Variants in PRDM10 observed in about 807,000 individuals in gnomAD.
PRDM10 encodes PR domain zinc finger protein 10.
In PRDM10, 65 loss-of-function variants were observed where a neutral mutation model predicts 133.1. That is an observed-to-expected ratio of 0.49 (90% confidence interval 0.40 to 0.60). The LOEUF is 0.60. Ranked by LOEUF, PRDM10 falls within the 20% of genes least tolerant of loss-of-function variation. The probability of loss-of-function intolerance (pLI) is 0.00; values close to 1 mark genes in which losing one functional copy is unlikely to be tolerated. For synonymous variants in PRDM10, 582 were observed against 580.4 expected (o/e 1.00, Z -0.04); for missense variants, 1,137 against 1,507.1 (o/e 0.75, Z 4.07).
At chr11:129,969,829 A>G (rs56960075) in intron 1 of PRDM10, among the ~76,000 whole-genome samples, 393 of 152,214 alleles carry the variant, frequency 2.6e-3, no homozygotes, top group African/African-American at 9.1e-3. Context: ...CAAAAACAAT[A>G]CAATGGTAAA....
Position 129,909,558 on chromosome 11 carries a change from G to A in PRDM10, c.3163+918C>T, listed in dbSNP as rs139695402. 3.9e-5 allele frequency among the ~76,000 whole-genome samples: 6 copies of A among 152,114 alleles called. No individual in the cohort carries two copies. In the East Asian group the frequency reaches 7.7e-4, roughly 20 times the overall value. On this transcript the variant is annotated intron_variant, in intron 19 of 20. Transcript: ENST00000360871. ...GCCAAGGATCAATCATGACAAAGAC[G>A]GGCCCCCAAAAATAAATCAACAGTA...
At chr11:129,985,252 C>T (rs1365366683) in intron 1 of PRDM10, among the ~76,000 whole-genome samples, 1 of 152,008 alleles carries the variant, frequency 6.6e-6, no homozygotes, top group Admixed American at 6.6e-5. Context: ...TTAACTGTTC[C>T]ACAGCTAAGA....
chr11:129,957,819 T>C lies in PRDM10; in HGVS notation c.161A>G (p.Asp54Gly). ...ATCCACTGATGTGTAGGAGGCACCA[T>C]CTGCCGTGTACACCACCTGCTGTGG... is the stretch of plus-strand genomic sequence containing the variant. ...RPPQQVVYTA[D>G]GASYTSVDGP... The change falls in exon 3 of 21, where the codon GAT becomes GGT. Residue 54 changes from aspartate to glycine, a missense_variant. Physicochemically the swap from Asp to Gly is moderately conservative, Grantham distance 94. Transcript: ENST00000360871. 1.2e-6 allele frequency: 2 copies of C among 1,614,220 alleles called. No homozygotes were observed. The highest frequency in any genetic ancestry group is 1.7e-6 in the Non-Finnish European group (2 of 1,180,024).
chr11:129,910,770 T>A (rs955473446), intron 18 of PRDM10, 114 bp from the exon 19 acceptor site: 3 of 1,003,822 alleles, frequency 3.0e-6, no homozygotes, highest in Non-Finnish European at 4.1e-6. Flanking sequence ...ACTGAAACTA[T>A]CGTTGCTATT....
intron 4 of PRDM10, among the ~76,000 whole-genome samples, chr11:129,951,936 C>CA (rs59578193): frequency 8.1e-4 from 118 of 145,380 alleles, no homozygotes; most frequent in Non-Finnish European, 1.0e-3. Flanking sequence ...AAACAAAAAC[C>CA]AAAAAAAAAA....
chr11:129,909,324 C>A (rs1950110979), intron 19 of PRDM10, among the ~76,000 whole-genome samples: 1 of 151,760 alleles, frequency 6.6e-6, no homozygotes, highest in Non-Finnish European at 1.5e-5. Context: ...GTGGCGGGTG[C>A]CTGTAATCCC....
In PRDM10 at chr11:129,932,100, A is replaced by T. The variant is rs1950888248; in HGVS notation, c.1287+2T>A. 1 of 1,613,638 alleles carries T rather than the reference A, an allele frequency of 6.2e-7. No individual in the cohort carries two copies. Among genetic ancestry groups the T allele is most frequent in the Non-Finnish European group, 8.5e-7 (1 of 1,179,734 alleles). On this transcript the variant is annotated splice_donor_variant, in intron 10 of 20. Transcript: ENST00000360871. LOFTEE classifies it high-confidence loss of function. ...GGAGGGCTCCTTCCCGTCCCCCCGT[A>T]CCTGTGTCCCATCGTCACTCTTTTC...
intron 1 of PRDM10, among the ~76,000 whole-genome samples, chr11:129,978,059 T>C (rs958604067): frequency 6.6e-6 from 1 of 152,158 alleles, no homozygotes; most frequent in African/African-American, 2.4e-5. Flanking sequence ...AATAAGCCTT[T>C]GATTAGGTTC....
intron 17 of PRDM10, among the ~76,000 whole-genome samples, chr11:129,913,138 A>C (rs956466185): frequency 6.8e-6 from 1 of 147,402 alleles, no homozygotes; most frequent in African/African-American, 2.5e-5. Context: ...GGAATATCTG[A>C]GCCTGGGAGG....
chr11:129,994,453 G>A (rs888610855), intron 1 of PRDM10, among the ~76,000 whole-genome samples: 24 of 137,244 alleles, frequency 1.7e-4, no homozygotes, highest in Non-Finnish European at 1.8e-4. Context: ...GTGACACAGC[G>A]CAACTCTGCC....
At chr11:129,958,485 A>C (rs1443453562) in intron 2 of PRDM10, among the ~76,000 whole-genome samples, 2 of 152,040 alleles carry the variant, frequency 1.3e-5, no homozygotes, top group Non-Finnish European at 2.9e-5. Flanking sequence ...CTACTAAAAA[A>C]ATACAAAAAT....
chr11:129,949,424 A>C (rs1951520555), intron 4 of PRDM10, among the ~76,000 whole-genome samples: 1 of 152,226 alleles, frequency 6.6e-6, no homozygotes, highest in Non-Finnish European at 1.5e-5. Flanking sequence ...TTCTTTAAGG[A>C]CCATGATGAT....
intron 1 of PRDM10, among the ~76,000 whole-genome samples, chr11:129,993,913 T>A (rs1014874079): frequency 6.6e-6 from 1 of 152,212 alleles, no homozygotes; most frequent in Admixed American, 6.5e-5. Context: ...CTAATTTTTT[T>A]AAATGTGGGA....
At chr11:129,910,733 G>T in intron 18 of PRDM10, 77 bp from the exon 19 acceptor site, 2 of 1,239,930 alleles carry the variant, frequency 1.6e-6, no homozygotes, top group Non-Finnish European at 2.2e-6. Context: ...ACTGAAGGAA[G>T]TACACCAGAC....
At chr11:129,909,853 A>G (rs1206104503) in intron 19 of PRDM10, among the ~76,000 whole-genome samples, 1 of 152,232 alleles carries the variant, frequency 6.6e-6, no homozygotes, top group Non-Finnish European at 1.5e-5. Context: ...GATGATGGTC[A>G]GCTGCACAGT....
intron 1 of PRDM10, among the ~76,000 whole-genome samples, chr11:129,968,799 G>C (rs999437845): frequency 1.3e-5 from 2 of 152,130 alleles, no homozygotes; most frequent in Non-Finnish European, 2.9e-5. Context: ...CCATCCCCCT[G>C]CTGGGGTAAA....
At chr11:129,968,675 A>G (rs1298225237) in intron 1 of PRDM10, among the ~76,000 whole-genome samples, 1 of 151,268 alleles carries the variant, frequency 6.6e-6, no homozygotes, top group Non-Finnish European at 1.5e-5. Flanking sequence ...CAACATCCAG[A>G]ACCCCCCAGG....
At chr11:129,913,949 G>C (rs1185005607) in intron 17 of PRDM10, among the ~76,000 whole-genome samples, 1 of 152,140 alleles carries the variant, frequency 6.6e-6, no homozygotes, top group Admixed American at 6.5e-5. Context: ...TCATTATCTG[G>C]TAGAAGGAAC....
intron 2 of PRDM10, among the ~76,000 whole-genome samples, chr11:129,959,871 T>C (rs1951763009): frequency 6.6e-6 from 1 of 151,776 alleles, no homozygotes. Context: ...CTCCACCTCC[T>C]AGAGACATGA....
Sources: allele counts gnomAD v4.1 joint callset (sites outside exome capture counted in the v4.1 genomes callset), GRCh38; gene constraint gnomAD v4.1.1; transcripts MANE v1.5; gene names NCBI Gene and HGNC (gene_info 2026-07-23, HGNC 2026-07-21).